TMEM178B: variants seen among roughly 807,000 people sequenced by gnomAD.
The protein encoded by TMEM178B is transmembrane protein 178B.
TMEM178B carries 5 observed loss-of-function variants against 31.0 expected under a neutral mutation model. The ratio of observed to expected loss-of-function variants is 0.16; its 90% CI spans 0.08 to 0.34. The LOEUF is 0.34. Ranked by LOEUF, TMEM178B falls within the 10% of genes least tolerant of loss-of-function variation. The pLI is 1.00. For missense variants in TMEM178B, 275 were observed against 400.3 expected (o/e 0.69, Z 2.67); for synonymous variants, 164 against 164.0 (o/e 1.00, Z 0.00).
At chr7:141,462,079 TACA>T (rs934005511) in intron 3 of TMEM178B, among the ~76,000 whole-genome samples, 4 of 152,166 alleles carry the variant, frequency 2.6e-5, no homozygotes, top group African/African-American at 9.7e-5. Flanking sequence ...ATGTCGTCAC[TACA>T]ACACTACCTA....
chr7:141,380,327 C>T (rs1040479428), intron 2 of TMEM178B, among the ~76,000 whole-genome samples: 2 of 152,134 alleles, frequency 1.3e-5, no homozygotes, highest in South Asian at 4.1e-4. Flanking sequence ...GAAGACCTTC[C>T]TAATTGAATA....
At chr7:141,227,156 G>C (rs1033034843) in intron 2 of TMEM178B, among the ~76,000 whole-genome samples, 12 of 152,230 alleles carry the variant, frequency 7.9e-5, no homozygotes, top group Admixed American at 1.3e-4. Flanking sequence ...CACAGACTCA[G>C]GACGGCAGAG....
chr7:141,099,830 C>G (rs1372614103), intron 1 of TMEM178B, among the ~76,000 whole-genome samples: 2 of 59,522 alleles, frequency 3.4e-5, no homozygotes, highest in Non-Finnish European at 6.5e-5. Context: ...AAAACGGTGT[C>G]TCTTTTTTTT....
intron 1 of TMEM178B, among the ~76,000 whole-genome samples, chr7:141,093,227 G>T (rs1052536905): frequency 4.6e-5 from 7 of 152,182 alleles, no homozygotes; most frequent in Middle Eastern, 3.2e-3. Flanking sequence ...AGTACAGGGA[G>T]AAGAGACTGG....
Position 141,361,761 on chromosome 7 carries a change from A to G in TMEM178B, c.497-75847A>G, listed in dbSNP as rs141029105. Among the ~76,000 whole-genome samples the G allele has an allele frequency of 4.9e-3, 744 of 152,308 alleles. 9 individuals are homozygous for G. Among genetic ancestry groups the G allele is most frequent in the African/African-American group, 0.017 (701 of 41,564 alleles). Reference sequence around the variant, plus strand: ...TAGTTTATCTATCATCACTCTTGCAATGTTATTTTTCTCATAATTGAGACT... The same window carrying G: ...TAGTTTATCTATCATCACTCTTGCAGTGTTATTTTTCTCATAATTGAGACT... On this transcript the variant is annotated intron_variant, in intron 2 of 3. Transcript: ENST00000565468.
At chr7:141,172,099 G>A (rs1329026563) in intron 1 of TMEM178B, among the ~76,000 whole-genome samples, 1 of 152,180 alleles carries the variant, frequency 6.6e-6, no homozygotes, top group Non-Finnish European at 1.5e-5. Flanking sequence ...AGGAAACTGA[G>A]GCATATAGAG....
intron 1 of TMEM178B, among the ~76,000 whole-genome samples, chr7:141,094,659 C>T (rs1392377029): frequency 6.6e-6 from 1 of 152,194 alleles, no homozygotes; most frequent in Non-Finnish European, 1.5e-5. Context: ...CATCCTCAAA[C>T]CTCTCTTTCT....
At chr7:141,174,550 A>G (rs1214904379) in intron 1 of TMEM178B, among the ~76,000 whole-genome samples, 1 of 152,214 alleles carries the variant, frequency 6.6e-6, no homozygotes, top group African/African-American at 2.4e-5. Context: ...GTTTTCCACA[A>G]TGGTTGAACT....
At chr7:141,421,888 C>T (rs899059119) in intron 2 of TMEM178B, among the ~76,000 whole-genome samples, 3 of 151,812 alleles carry the variant, frequency 2.0e-5, no homozygotes, top group African/African-American at 7.3e-5. Flanking sequence ...TTCTGAGCTG[C>T]CATATCCATT....
intron 2 of TMEM178B, among the ~76,000 whole-genome samples, chr7:141,436,632 G>T (rs1276874761): frequency 6.6e-6 from 1 of 151,992 alleles, no homozygotes; most frequent in African/African-American, 2.4e-5. Flanking sequence ...CCCGGAGCTG[G>T]TGGGGGCTGG....
chr7:141,178,290 CAGACTGGATAGAAT>C (rs1796465287), intron 1 of TMEM178B, among the ~76,000 whole-genome samples: 1 of 152,148 alleles, frequency 6.6e-6, no homozygotes, highest in African/African-American at 2.4e-5. Context: ...CATTTCTTAG[CAGACTGGATAGAAT>C]AGACTTTGAA....
intron 3 of TMEM178B, among the ~76,000 whole-genome samples, chr7:141,454,320 A>G (rs1390407129): frequency 6.6e-6 from 1 of 151,894 alleles, no homozygotes; most frequent in African/African-American, 2.4e-5. Flanking sequence ...TCCTCTCTTT[A>G]GGAGGATGCA....
At chr7:141,314,592 C>T (rs1798970552) in intron 2 of TMEM178B, among the ~76,000 whole-genome samples, 1 of 152,194 alleles carries the variant, frequency 6.6e-6, no homozygotes, top group African/African-American at 2.4e-5. Context: ...TTGAGGAACT[C>T]ACTGGCTCAG....
At chr7:141,498,665 C>G in the TMEM178B span, among the ~76,000 whole-genome samples, 1 of 152,224 alleles carries the variant, frequency 6.6e-6, no homozygotes. Flanking sequence ...GTTCCACTGC[C>G]TCATCCTTTA....
At chr7:141,297,602 T>C (rs1310761901) in intron 2 of TMEM178B, among the ~76,000 whole-genome samples, 2 of 152,042 alleles carry the variant, frequency 1.3e-5, no homozygotes, top group African/African-American at 4.8e-5. Context: ...TGAGAACATG[T>C]GGTGTTTGTT....
At chr7:141,204,546 T>C (rs1014409967) in intron 1 of TMEM178B, among the ~76,000 whole-genome samples, 4 of 152,156 alleles carry the variant, frequency 2.6e-5, no homozygotes, top group African/African-American at 9.7e-5. Context: ...CTGAGGGCAA[T>C]TGCACTAGTT....
rs67571979 is a variant in TMEM178B, at chr7:141,215,337, A to ATTTTTTTTT, written c.496+2639_496+2640insTTTTTTTTT. Among the ~76,000 whole-genome samples the ATTTTTTTTT allele has an allele frequency of 1.8e-3, 256 of 141,550 alleles. 5 individuals are homozygous for ATTTTTTTTT. In the East Asian group the frequency reaches 0.034, roughly 19 times the overall value. 92.9% of individuals were successfully genotyped at this position (141,550 alleles called of 152,430 possible). On this transcript the variant is annotated intron_variant, in intron 2 of 3. Transcript: ENST00000565468. ...CATCTTTATTATTATTATTATTATT[A>ATTTTTTTTT]TTTTTTGAGATGGAGTCTCACTCTG... is the stretch of plus-strand genomic sequence containing the variant.
At chr7:141,234,640 A>G (rs946172560) in intron 2 of TMEM178B, among the ~76,000 whole-genome samples, 1 of 152,186 alleles carries the variant, frequency 6.6e-6, no homozygotes, top group African/African-American at 2.4e-5. Flanking sequence ...GAGAATTTCC[A>G]TGCCCATCAC....
chr7:141,225,623 G>A (rs1315598100), intron 2 of TMEM178B, among the ~76,000 whole-genome samples: 1 of 152,168 alleles, frequency 6.6e-6, no homozygotes, highest in Non-Finnish European at 1.5e-5. Flanking sequence ...CAAAGCTGGA[G>A]ACTTACATCT....
Sources: gnomAD v4.1 joint callset for allele counts (sites outside exome capture counted in the v4.1 genomes callset) on GRCh38, gnomAD v4.1.1 for gene constraint, MANE v1.5 for transcripts, NCBI Gene and HGNC (gene_info 2026-07-23, HGNC 2026-07-21) for gene names.